Variants in CUX2 observed in about 807,000 individuals in gnomAD.
CUX2 encodes cut like homeobox 2, also known as homeobox protein cut-like 2.
In CUX2, 40 loss-of-function variants were observed where a neutral mutation model predicts 144.8. The ratio of observed to expected loss-of-function variants is 0.28; its 90% CI spans 0.21 to 0.36. The LOEUF is 0.36. Among genes scored for constraint, CUX2 ranks in the 10% least tolerant of loss-of-function variants. The probability of loss-of-function intolerance (pLI) is 1.00; values close to 1 mark genes in which losing one functional copy is unlikely to be tolerated. For synonymous variants in CUX2, 827 were observed against 875.6 expected, an observed-to-expected ratio of 0.94 and a Z score of 0.98; for missense variants, 1,615 against 1,994.0, an observed-to-expected ratio of 0.81 and a Z score of 3.62.
rs1329675612 is a variant in CUX2 at position 111,295,798 on chromosome 12, G to A, written c.637+389G>A. 1.3e-5 allele frequency among the ~76,000 whole-genome samples: 2 copies of A among 149,336 alleles called. No individual in the cohort carries two copies. The highest frequency in any genetic ancestry group is 2.4e-5 in the African/African-American group (1 of 41,070). On this transcript the variant is annotated intron_variant, in intron 7 of 21. Transcript: ENST00000261726. The surrounding 1 kb of genome is among the most constrained non-coding windows in gnomAD (Gnocchi z 5.0). ...AATTAATTTAATACAACCCCTGCAG[G>A]GGCCAAAACGCTACCAAGCCACCGA...
chr12:111,140,447 G>C (rs1026473561), intron 1 of CUX2, among the ~76,000 whole-genome samples: 2 of 152,192 alleles, frequency 1.3e-5, no homozygotes, highest in African/African-American at 4.8e-5. Context: ...ACCCCCTCTT[G>C]ATCTAGGAAT....
intron 1 of CUX2, among the ~76,000 whole-genome samples, chr12:111,146,834 G>T (rs1396411981): frequency 6.6e-6 from 1 of 152,022 alleles, no homozygotes; most frequent in Non-Finnish European, 1.5e-5. Context: ...TGTAAAATGG[G>T]CATAATAATA....
intron 1 of CUX2, chr12:111,099,532 G>C (rs982091821): frequency 4.4e-6 from 2 of 456,534 alleles, no homozygotes; most frequent in Non-Finnish European, 8.8e-6. Context: ...AGGTGGGGGT[G>C]GCCCCCTATT....
At position 111,295,289 on chromosome 12, in the gene CUX2, G is replaced by A. The variant is rs763358604; in HGVS notation, c.561-44G>A. The A allele has an allele frequency of 4.4e-6, 7 of 1,599,402 alleles. No homozygotes were observed. The African/African-American group carries it at 6.7e-5, about 15-fold the overall frequency. On this transcript the variant is annotated intron_variant, in intron 6 of 21. Transcript: ENST00000261726. This position sits in a 1 kb window ranked among gnomAD's most constrained non-coding sequence, Gnocchi z 5.0. Reference sequence around the variant, plus strand: ...GCTCGACTCGGGGGCCCCAGGCAAGGCCTGTCCCTGCAGCCAGCACAAGCA... The same window carrying A: ...GCTCGACTCGGGGGCCCCAGGCAAGACCTGTCCCTGCAGCCAGCACAAGCA...
At chr12:111,168,426 C>A (rs1188925940) in intron 1 of CUX2, among the ~76,000 whole-genome samples, 2 of 152,234 alleles carry the variant, frequency 1.3e-5, no homozygotes, top group African/African-American at 4.8e-5. Flanking sequence ...CCTTATTGAT[C>A]TGATGGGTGG....
chr12:111,283,100 C>T (rs1369116935), intron 4 of CUX2, among the ~76,000 whole-genome samples: 1 of 152,012 alleles, frequency 6.6e-6, no homozygotes, highest in Admixed American at 6.6e-5. Context: ...TGCCTGTAAT[C>T]TCATCTACTC....
chr12:111,134,594 TTCTCTC>T (rs370486043), intron 1 of CUX2, among the ~76,000 whole-genome samples: 36 of 144,240 alleles, frequency 2.5e-4, no homozygotes, highest in Non-Finnish European at 3.7e-4. Flanking sequence ...TAAGATCTCT[TTCTCTC>T]TCTCTCTCTC....
At chr12:111,199,958 G>A (rs553653814) in intron 1 of CUX2, among the ~76,000 whole-genome samples, 4 of 152,246 alleles carry the variant, frequency 2.6e-5, no homozygotes, top group East Asian at 1.9e-4. Context: ...CTCTGTTTGC[G>A]TGCTGCGTGG....
intron 4 of CUX2, among the ~76,000 whole-genome samples, chr12:111,276,424 T>C (rs1884874280): frequency 6.6e-6 from 1 of 152,092 alleles, no homozygotes; most frequent in Non-Finnish European, 1.5e-5. Context: ...TTCGGAGGCA[T>C]ATGGACACAG....
intron 19 of CUX2, 122 bp downstream of exon 19, chr12:111,334,832 GC>G: frequency 1.8e-6 from 2 of 1,110,332 alleles, no homozygotes; most frequent in Non-Finnish European, 2.5e-6. Context: ...GCTTTGGGAG[GC>G]CAGGGAGGGA....
intron 1 of CUX2, among the ~76,000 whole-genome samples, chr12:111,071,877 T>C (rs80203750): frequency 0.011 from 1,654 of 152,336 alleles, 31 homozygotes; most frequent in African/African-American, 0.037. Flanking sequence ...CAAATATCTC[T>C]TCTCCATTTT....
At chr12:111,095,526 G>C (rs1418650758) in intron 1 of CUX2, among the ~76,000 whole-genome samples, 1 of 152,148 alleles carries the variant, frequency 6.6e-6, no homozygotes, top group African/African-American at 2.4e-5. Context: ...CCCACTGTGT[G>C]TTCTTAGGCA....
rs1271899548 is a variant in CUX2 at position 111,274,972 on chromosome 12, C to CA, written c.301+11142dup. ...GATTCAAAAAAAAAAAACAAAAAAACAAAAAAAAACCACCAATAGCATCAG... is the reference window on the plus strand; with the variant it reads ...GATTCAAAAAAAAAAAACAAAAAAACAAAAAAAAAACCACCAATAGCATCAG... On this transcript the variant is annotated intron_variant, in intron 4 of 21. Transcript: ENST00000261726. Among the ~76,000 whole-genome samples, 317 of 147,706 alleles carry CA rather than the reference C, an allele frequency of 2.1e-3. 1 individual carries two copies. The highest frequency in any genetic ancestry group is 0.011 in the East Asian group (54 of 5,018).
intron 1 of CUX2, among the ~76,000 whole-genome samples, chr12:111,194,525 C>T (rs1880114540): frequency 6.6e-6 from 1 of 152,204 alleles, no homozygotes; most frequent in Non-Finnish European, 1.5e-5. Flanking sequence ...AACTAGACTC[C>T]CGACCCTGCT....
intron 18 of CUX2, among the ~76,000 whole-genome samples, chr12:111,325,627 T>TG (rs371206980): frequency 1.9e-3 from 158 of 82,660 alleles, no homozygotes; most frequent in Middle Eastern, 7.7e-3. Flanking sequence ...AGTGTTGTGG[T>TG]GGGGAGGGGT....
At chr12:111,089,600 C>T (rs77357640) in intron 1 of CUX2, among the ~76,000 whole-genome samples, 2,944 of 152,234 alleles carry the variant, frequency 0.019, 100 homozygotes, top group African/African-American at 0.068. Context: ...GTTGCAACAG[C>T]GGCCATCCAG....
intron 4 of CUX2, among the ~76,000 whole-genome samples, chr12:111,276,867 C>T (rs1021896009): frequency 2.0e-5 from 3 of 152,088 alleles, no homozygotes; most frequent in Non-Finnish European, 4.4e-5. Context: ...AGGCTAGTCT[C>T]GAACTCCTAG....
chr12:111,347,723 C>T lies in CUX2; in HGVS notation c.3859C>T (p.Pro1287Ser), dbSNP rs1350236149. Residue 1287 changes from proline to serine, a missense_variant, in exon 22 of 22, where the codon CCC becomes TCC. Physicochemically the swap from Pro to Ser is moderately conservative, Grantham distance 74. Coordinates refer to ENST00000261726, the MANE Select transcript of CUX2 (RefSeq NM_015267.4). ...GGAGGGCCCTGAGGAGAACAGCACA[C>T]CCCTGACCACCCAGGACAAGGCCCA... ...LQEGPEENST[P>S]LTTQDKAQVR... The T allele has an allele frequency of 2.5e-6, 4 of 1,613,716 alleles. No individual in the cohort carries two copies. The highest frequency in any genetic ancestry group is 2.2e-5 in the East Asian group (1 of 44,842).
chr12:111,067,455 A>C (rs1871068254), intron 1 of CUX2, among the ~76,000 whole-genome samples: 1 of 152,224 alleles, frequency 6.6e-6, no homozygotes. Context: ...GCTAAGAGAC[A>C]GAGTCCTGAT....
Sources: allele counts gnomAD v4.1 joint callset (sites outside exome capture counted in the v4.1 genomes callset), GRCh38; gene constraint gnomAD v4.1.1; non-coding constraint Gnocchi (gnomAD v3.1); transcripts MANE v1.5; gene names NCBI Gene and HGNC (gene_info 2026-07-23, HGNC 2026-07-21).